Variants in FAM120A observed in about 807,000 individuals in gnomAD.
FAM120A encodes constitutive coactivator of PPAR-gamma-like protein 1.
Under a neutral mutation model 109.7 loss-of-function variants are expected in FAM120A, and 15 were observed. The ratio of observed to expected loss-of-function variants is 0.14; its 90% CI spans 0.09 to 0.21. The LOEUF is 0.21. FAM120A is among the 10% of genes least tolerant of loss of function. The probability of loss-of-function intolerance (pLI) is 1.00; values close to 1 mark genes in which losing one functional copy is unlikely to be tolerated. For synonymous variants in FAM120A, 493 were observed against 572.8 expected, an observed-to-expected ratio of 0.86 and a Z score of 1.99; for missense variants, 899 against 1,439.3, an observed-to-expected ratio of 0.62 and a Z score of 6.07.
At chr9:93,554,686 A>G (rs532452044) in intron 12 of FAM120A, among the ~76,000 whole-genome samples, 1 of 152,262 alleles carries the variant, frequency 6.6e-6, no homozygotes, top group African/African-American at 2.4e-5. Context: ...GAAAAAAAAA[A>G]GAAACACCAT....
intron 12 of FAM120A, among the ~76,000 whole-genome samples, chr9:93,552,164 A>G (rs1194225205): frequency 6.6e-6 from 1 of 152,260 alleles, no homozygotes; most frequent in Non-Finnish European, 1.5e-5. Context: ...GGTATCAGGT[A>G]TGCCCACTAA....
At position 93,452,614 on chromosome 9, in the gene FAM120A, C is replaced by T. The variant is rs778668062; in HGVS notation, c.474+225C>T. The T allele has an allele frequency of 6.3e-7, 1 of 1,599,108 alleles. No homozygotes were observed. Among genetic ancestry groups the T allele is most frequent in the Non-Finnish European group, 8.5e-7 (1 of 1,179,772 alleles). ...TCCAGCTGTCCCTGTTCGGGGTCCG[C>T]GGCCGCGTGGGGACACTTGAGGGCT... On this transcript the variant is annotated intron_variant, in intron 1 of 17. Transcript: ENST00000277165. The surrounding 1 kb of genome is among the most constrained non-coding windows in gnomAD (Gnocchi z 7.0).
rs1862285402 is a variant in FAM120A at position 93,556,445 on chromosome 9, G to T, written c.2338G>T (p.Ala780Ser). Reference sequence around the variant, plus strand: ...TCTCTTCATGAGTGGAGTAGACATGGCCTTGTTTGCAAATGATGCATGCGG... The same window carrying T: ...TCTCTTCATGAGTGGAGTAGACATGTCCTTGTTTGCAAATGATGCATGCGG... ...SALFMSGVDM[A>S]LFANDACGQP... The change falls in exon 13 of 18, where the codon GCC (alanine) becomes TCC (serine). Residue 780 changes from alanine (A) to serine (S), a missense_variant. Transcript: ENST00000277165. 1 of 1,614,072 alleles carries T rather than the reference G, an allele frequency of 6.2e-7. No individual in the cohort carries two copies. Among genetic ancestry groups the T allele is most frequent in the Non-Finnish European group, 8.5e-7 (1 of 1,180,038 alleles).
At chr9:93,461,404 A>G (rs780440147) in intron 1 of FAM120A, among the ~76,000 whole-genome samples, 7 of 152,210 alleles carry the variant, frequency 4.6e-5, no homozygotes, top group African/African-American at 1.4e-4. Flanking sequence ...TCCTGGACCT[A>G]TGAAGAGTTT....
At chr9:93,530,792 T>G (rs1251161642) in intron 9 of FAM120A, 2 of 152,216 alleles carry the variant, frequency 1.3e-5, no homozygotes, top group Admixed American at 1.3e-4. Context: ...ACCAAAGTTT[T>G]GGGAAGACAT....
At chr9:93,514,670 A>G (rs1182361397) in intron 5 of FAM120A, among the ~76,000 whole-genome samples, 1 of 152,188 alleles carries the variant, frequency 6.6e-6, no homozygotes, top group Non-Finnish European at 1.5e-5. Flanking sequence ...CAGCTCCTAG[A>G]GGTCCATGTC....
intron 3 of FAM120A, among the ~76,000 whole-genome samples, chr9:93,490,483 A>G (rs1859266792): frequency 6.6e-6 from 1 of 152,232 alleles, no homozygotes. Context: ...TCAACATGTT[A>G]TATGAAAAGG....
chr9:93,549,399 G>A (rs1158208392), intron 11 of FAM120A, among the ~76,000 whole-genome samples: 1 of 152,210 alleles, frequency 6.6e-6, no homozygotes, highest in Non-Finnish European at 1.5e-5. Flanking sequence ...GAGTTAAAGT[G>A]TGTAAGGTGC....
intron 10 of FAM120A, among the ~76,000 whole-genome samples, chr9:93,542,862 T>G (rs1332766400): frequency 6.6e-6 from 1 of 152,374 alleles, no homozygotes; most frequent in East Asian, 1.9e-4. Flanking sequence ...AACCACATAC[T>G]TCCGTGAATT....
intron 1 of FAM120A, among the ~76,000 whole-genome samples, chr9:93,460,905 A>G (rs1291046413): frequency 6.6e-6 from 1 of 152,162 alleles, no homozygotes; most frequent in Non-Finnish European, 1.5e-5. Flanking sequence ...TAAACCTTTT[A>G]TGCTTCTTAA....
intron 5 of FAM120A, among the ~76,000 whole-genome samples, chr9:93,506,718 C>T (rs569161539): frequency 3.9e-5 from 6 of 152,238 alleles, no homozygotes; most frequent in African/African-American, 1.4e-4. Flanking sequence ...CTGCCTCAGC[C>T]TCCCGAGTAG....
At chr9:93,508,256 C>T (rs1006698320) in intron 5 of FAM120A, among the ~76,000 whole-genome samples, 3 of 152,192 alleles carry the variant, frequency 2.0e-5, no homozygotes, top group African/African-American at 4.8e-5. Flanking sequence ...CTAATCAGTA[C>T]TAAGCAAAGA....
At chr9:93,539,322 A>G (rs1861620758) in intron 10 of FAM120A, among the ~76,000 whole-genome samples, 1 of 152,180 alleles carries the variant, frequency 6.6e-6, no homozygotes, top group Non-Finnish European at 1.5e-5. Context: ...TTGCCAGTGT[A>G]AAAAGTTGGT....
rs115313808 is a variant in FAM120A at position 93,540,428 on chromosome 9, A to G, written c.1910-2794A>G. Among the ~76,000 whole-genome samples, 1,263 of 152,262 alleles carry G rather than the reference A, an allele frequency of 8.3e-3. 16 individuals are homozygous for G. Among genetic ancestry groups the G allele is most frequent in the African/African-American group, 0.029 (1,215 of 41,528 alleles). ...ATAACTGTTGCATGTGGGCAACAAC[A>G]TGCTTAGTGCTGTGAAAGAGGACAC... On this transcript the variant is annotated intron_variant, in intron 10 of 17. Coordinates refer to ENST00000277165, the MANE Select transcript of FAM120A (RefSeq NM_014612.5).
At chr9:93,541,506 T>C (rs1442530400) in intron 10 of FAM120A, among the ~76,000 whole-genome samples, 2 of 152,236 alleles carry the variant, frequency 1.3e-5, no homozygotes, top group Non-Finnish European at 1.5e-5. Context: ...GTTTTATATC[T>C]ATACCTAAAA....
intron 7 of FAM120A, among the ~76,000 whole-genome samples, chr9:93,517,358 A>G (rs1359210354): frequency 6.6e-6 from 1 of 152,246 alleles, no homozygotes; most frequent in Non-Finnish European, 1.5e-5. Context: ...AAATTTTTAA[A>G]TTAACCTCTA....
intron 10 of FAM120A, among the ~76,000 whole-genome samples, chr9:93,539,520 A>G (rs1052292009): frequency 4.6e-5 from 7 of 152,236 alleles, no homozygotes; most frequent in Non-Finnish European, 1.0e-4. Context: ...AATAAGACTC[A>G]GTAGGAACAT....
At chr9:93,490,204 A>G (rs1859254280) in intron 3 of FAM120A, among the ~76,000 whole-genome samples, 1 of 152,204 alleles carries the variant, frequency 6.6e-6, no homozygotes, top group African/African-American at 2.4e-5. Context: ...TCCACTTGGT[A>G]ATGAAGTGGA....
At chr9:93,464,590 GGTT>G (rs1181510623) in intron 1 of FAM120A, among the ~76,000 whole-genome samples, 1 of 152,154 alleles carries the variant, frequency 6.6e-6, no homozygotes, top group Non-Finnish European at 1.5e-5. Context: ...TGCTCCTCGG[GGTT>G]GTTTACAGAA....
Sources: allele counts gnomAD v4.1 joint callset (sites outside exome capture counted in the v4.1 genomes callset), GRCh38; gene constraint gnomAD v4.1.1; non-coding constraint Gnocchi (gnomAD v3.1); transcripts MANE v1.5; gene names NCBI Gene and HGNC (gene_info 2026-07-23, HGNC 2026-07-21).